Variants in RIMS2 observed in about 807,000 individuals in gnomAD.
RIMS2 encodes the protein regulating synaptic membrane exocytosis 2, also known as regulating synaptic membrane exocytosis protein 2.
Under a neutral mutation model 174.4 loss-of-function variants are expected in RIMS2, and 59 were observed. The ratio of observed to expected loss-of-function variants is 0.34; its 90% confidence interval spans 0.27 to 0.42. The LOEUF is 0.42. Among genes scored for constraint, RIMS2 ranks in the 10% least tolerant of loss-of-function variants. The probability of loss-of-function intolerance (pLI) is 1.00; values close to 1 mark genes in which losing one functional copy is unlikely to be tolerated. For synonymous variants in RIMS2, 606 were observed against 572.5 expected, an observed-to-expected ratio of 1.06 and a Z score of -0.84; for missense variants, 1,620 against 1,666.3, an observed-to-expected ratio of 0.97 and a Z score of 0.48.
chr8:103,665,530 C>G (rs1408541301), intron 1 of RIMS2, among the ~76,000 whole-genome samples: 1 of 152,174 alleles, frequency 6.6e-6, no homozygotes, highest in African/African-American at 2.4e-5. Flanking sequence ...AAGAATTAAT[C>G]AAATATCTGA....
chr8:103,966,575 G>T (rs1414186140), intron 15 of RIMS2, among the ~76,000 whole-genome samples: 2 of 151,882 alleles, frequency 1.3e-5, no homozygotes, highest in Non-Finnish European at 2.9e-5. Flanking sequence ...ACCAGATTCT[G>T]ATTTTGTTGA....
chr8:103,944,172 A>G (rs916462644), intron 14 of RIMS2, among the ~76,000 whole-genome samples: 1 of 152,054 alleles, frequency 6.6e-6, no homozygotes, highest in African/African-American at 2.4e-5. Flanking sequence ...TTAATTGAGC[A>G]CTAATTCTAC....
chr8:103,616,519 G>C (rs187159392), intron 1 of RIMS2, among the ~76,000 whole-genome samples: 85 of 152,276 alleles, frequency 5.6e-4, no homozygotes, highest in African/African-American at 2.0e-3. Flanking sequence ...GTCCTAGCCA[G>C]AGCAGTCAGG....
At chr8:103,767,999 C>T (rs1439399291) in intron 3 of RIMS2, among the ~76,000 whole-genome samples, 1 of 152,170 alleles carries the variant, frequency 6.6e-6, no homozygotes, top group Non-Finnish European at 1.5e-5. Context: ...CTAGAGAAAG[C>T]ACTCAGGCAG....
chr8:103,705,276 A>G (rs79305667), intron 2 of RIMS2, among the ~76,000 whole-genome samples: 1,575 of 151,748 alleles, frequency 0.01, 30 homozygotes, highest in African/African-American at 0.036. Context: ...CTTTTTACTG[A>G]TTTTGAATTT....
At chr8:103,562,393 C>G (rs1166747271) in intron 1 of RIMS2, among the ~76,000 whole-genome samples, 2 of 152,228 alleles carry the variant, frequency 1.3e-5, no homozygotes, top group Non-Finnish European at 2.9e-5. Flanking sequence ...CTACAGGCCC[C>G]ATGCAAGTCT....
chr8:103,935,797 TA>T (rs2081104471), intron 12 of RIMS2, among the ~76,000 whole-genome samples: 3 of 152,212 alleles, frequency 2.0e-5, no homozygotes, highest in Admixed American at 6.5e-5. Context: ...TAAAAATTTT[TA>T]CTTTATTATT....
At chr8:103,632,984 T>TG (rs1363535754) in intron 1 of RIMS2, among the ~76,000 whole-genome samples, 1 of 151,408 alleles carries the variant, frequency 6.6e-6, no homozygotes, top group African/African-American at 2.4e-5. Flanking sequence ...CCGCCCACCT[T>TG]GGCCTCCCAA....
intron 19 of RIMS2, among the ~76,000 whole-genome samples, chr8:104,230,537 T>G (rs1290200020): frequency 6.6e-6 from 1 of 151,810 alleles, no homozygotes; most frequent in Non-Finnish European, 1.5e-5. Context: ...TCCCAGCTAC[T>G]CAGGAGGCTG....
chr8:103,508,596 C>G (rs1824881530), intron 1 of RIMS2, among the ~76,000 whole-genome samples: 1 of 151,910 alleles, frequency 6.6e-6, no homozygotes, highest in South Asian at 2.1e-4. Flanking sequence ...GCCTAAAAAG[C>G]CTTCTATGCT....
At chr8:103,916,485 C>G in exon 8 of RIMS2, 1 of 1,611,756 alleles carries the variant, frequency 6.2e-7, no homozygotes, top group Non-Finnish European at 8.5e-7. Context: ...CAACATCATT[C>G]TAGAATCCAA....
At chr8:103,895,939 A>G (rs1156415939) in intron 4 of RIMS2, among the ~76,000 whole-genome samples, 1 of 151,422 alleles carries the variant, frequency 6.6e-6, no homozygotes, top group African/African-American at 2.4e-5. Flanking sequence ...GAAAGCCTCC[A>G]CCTTATGCCA....
At chr8:103,783,201 T>A (rs752157170) in intron 3 of RIMS2, among the ~76,000 whole-genome samples, 7 of 152,126 alleles carry the variant, frequency 4.6e-5, no homozygotes, top group African/African-American at 7.2e-5. Flanking sequence ...CCTCAGCCCT[T>A]AGGGGCTACC....
intron 19 of RIMS2, among the ~76,000 whole-genome samples, chr8:104,138,097 A>G (rs1599720177): frequency 6.6e-6 from 1 of 152,164 alleles, no homozygotes; most frequent in Non-Finnish European, 1.5e-5. Flanking sequence ...CTCCAGTTCC[A>G]TCCATGTTGT....
chr8:103,751,798 G>GT (rs980357648), intron 2 of RIMS2, among the ~76,000 whole-genome samples: 2 of 150,996 alleles, frequency 1.3e-5, no homozygotes, highest in Admixed American at 1.3e-4. Flanking sequence ...GGGGTTGTTT[G>GT]TTTTTTTCTT....
At chr8:103,651,064 C>G (rs1037858159) in intron 1 of RIMS2, among the ~76,000 whole-genome samples, 9 of 152,190 alleles carry the variant, frequency 5.9e-5, no homozygotes, top group Admixed American at 2.0e-4. Flanking sequence ...GCCGCTCTGC[C>G]GAAACCTCAC....
intron 19 of RIMS2, among the ~76,000 whole-genome samples, chr8:104,079,463 T>C (rs949588967): frequency 2.6e-5 from 4 of 151,636 alleles, no homozygotes; most frequent in African/African-American, 9.7e-5. Context: ...GAATGAATTA[T>C]AGTAGACTAC....
intron 14 of RIMS2, among the ~76,000 whole-genome samples, chr8:103,946,079 G>C (rs972478530): frequency 1.3e-5 from 2 of 152,130 alleles, no homozygotes; most frequent in African/African-American, 4.8e-5. Context: ...TCTATATGTA[G>C]AAAATTCTAA....
intron 2 of RIMS2, among the ~76,000 whole-genome samples, chr8:103,732,822 C>T (rs1239614879): frequency 6.6e-6 from 1 of 152,156 alleles, no homozygotes; most frequent in African/African-American, 2.4e-5. Context: ...AATCCTGAGT[C>T]TCTTCCTTCA....
Sources: allele counts gnomAD v4.1 joint callset (sites outside exome capture counted in the v4.1 genomes callset), GRCh38; gene constraint gnomAD v4.1.1; transcripts MANE v1.5; gene names NCBI Gene and HGNC (gene_info 2026-07-23, HGNC 2026-07-21).